The following KIF15 variants were observed in gnomAD, a reference collection of about 807,000 sequenced individuals.
KIF15 encodes kinesin-like protein KIF15.
Under a neutral mutation model 190.6 loss-of-function variants are expected in KIF15, and 140 were observed. The ratio of observed to expected loss-of-function variants is 0.73; its 90% CI spans 0.64 to 0.84. The LOEUF (loss-of-function observed/expected upper bound fraction) is 0.84, where lower values mean the gene tolerates loss of function less well. KIF15 is among the 40% of genes least tolerant of loss of function. The probability of loss-of-function intolerance (pLI) is 0.00; values close to 1 mark genes in which losing one functional copy is unlikely to be tolerated. For missense variants in KIF15, 1,372 were observed against 1,584.4 expected, an observed-to-expected ratio of 0.87 and a Z score of 2.28; for synonymous variants, 528 against 551.3, an observed-to-expected ratio of 0.96 and a Z score of 0.59.
At chr3:44,784,461 G>A (rs1344978269) in intron 5 of KIF15, among the ~76,000 whole-genome samples, 1 of 152,100 alleles carries the variant, frequency 6.6e-6, no homozygotes, top group East Asian at 1.9e-4. Context: ...ACTGCGCCTG[G>A]CCTCTCAGTT....
intron 8 of KIF15, among the ~76,000 whole-genome samples, chr3:44,796,258 C>G (rs1412417311): frequency 6.6e-6 from 1 of 152,120 alleles, no homozygotes; most frequent in Non-Finnish European, 1.5e-5. Flanking sequence ...ACCTGGGAGG[C>G]TGAGGTGGGA....
At chr3:44,857,875 T>C (rs1699203989), downstream of KIF15, among the ~76,000 whole-genome samples, 1 of 152,152 alleles carries the variant, frequency 6.6e-6, no homozygotes, top group Admixed American at 6.5e-5. Context: ...CCAATATCCC[T>C]TGGAGAATAA....
intron 20 of KIF15, among the ~76,000 whole-genome samples, chr3:44,817,190 T>A (rs1329036708): frequency 6.6e-6 from 1 of 152,226 alleles, no homozygotes; most frequent in Non-Finnish European, 1.5e-5. Context: ...TTCTGTAGGT[T>A]GCCTGTTCAC....
At chr3:44,802,771 ATGTT>A in intron 13 of KIF15, 39 bp from the exon 14 acceptor site, 3 of 1,468,068 alleles carry the variant, frequency 2.0e-6, no homozygotes, top group Non-Finnish European at 2.7e-6. Flanking sequence ...CACTAAGGAA[ATGTT>A]TGTAAATATA....
chr3:44,774,556 C>T, intron 2 of KIF15, 119 bp downstream of exon 2: 1 of 848,212 alleles, frequency 1.2e-6, no homozygotes, highest in Non-Finnish European at 1.8e-6. Context: ...CCTCAACCAG[C>T]TGGAAATGTG....
Position 44,843,207 on chromosome 3 carries a change from A to G in KIF15, c.3668A>G (p.Asp1223Gly), listed in dbSNP as rs778327308. 24 of 1,613,240 alleles carry G rather than the reference A, an allele frequency of 1.5e-5. No homozygotes were observed. In the South Asian group the frequency reaches 2.3e-4, roughly 16 times the overall value. Residue 1223 changes from aspartate (D) to glycine (G), a missense_variant, in exon 30 of 35, where the codon GAT becomes GGT. Asp to Gly is a moderately conservative substitution (Grantham distance 94). Transcript: ENST00000326047. ...AACTGGCTCCTGCAAGGTCAGCTGG[A>G]TGATATTAAAAGACAAAAGGAAAAC... ...EKNWLLQGQLDDIKRQKENSD... is the reference protein window; with the variant it reads ...EKNWLLQGQLGDIKRQKENSD...
At chr3:44,836,982 A>G (rs1278697217) in intron 26 of KIF15, among the ~76,000 whole-genome samples, 1 of 152,208 alleles carries the variant, frequency 6.6e-6, no homozygotes, top group African/African-American at 2.4e-5. Flanking sequence ...TCCAGTTGCC[A>G]TGATCTGGTA....
At position 44,865,455 on chromosome 3, in the gene KIF15, G is replaced by C. The variant is rs1466318435; in HGVS notation, c.*60-7874G>C. ...CCTTCGCAGATGCTGGAGATCCTGG[G>C]GTTGGTCTGCTTTGTGTATGGTACT... is the stretch of plus-strand genomic sequence containing the variant. On this transcript the variant is annotated intron_variant and NMD_transcript_variant, in intron 6 of 6. Coordinates refer to the KIF15 transcript ENST00000422209. The C allele has an allele frequency of 8.9e-6, 4 of 449,090 alleles. No homozygotes were observed. The South Asian group carries it at 1.1e-4, about 12-fold the overall frequency. 27.8% of individuals were successfully genotyped at this position (449,090 alleles called of 1,614,324 possible). A position where few individuals can be genotyped will look rare whatever the true frequency, so the allele number is the denominator to read the frequency against.
intron 7 of KIF15, among the ~76,000 whole-genome samples, chr3:44,793,972 C>T (rs951223148): frequency 6.6e-6 from 1 of 150,664 alleles, no homozygotes; most frequent in African/African-American, 2.4e-5. Context: ...CCTTGAATTC[C>T]TGGGCTCAAG....
In KIF15 at chr3:44,784,991, ATAGG is replaced by A. The variant is rs538731178; in HGVS notation, c.459+53_459+56del. 428 of 947,806 alleles carry A rather than the reference ATAGG, an allele frequency of 4.5e-4. 1 individual carries two copies. In the South Asian group the frequency reaches 6.3e-3, roughly 14 times the overall value. The allele number at this position is 947,806 out of a possible 1,614,324, so 58.7% of individuals were successfully genotyped here. On this transcript the variant is annotated intron_variant, in intron 6 of 34. Transcript: ENST00000326047. The stretch of plus-strand genomic sequence containing the variant: ...GGTTCTATGAAATGTCTAATTTTGA[ATAGG>A]TAGCTACTGATAATTAGCTCATGAT...
Position 44,838,437 on chromosome 3 carries a change from G to A in KIF15, c.3318+16G>A. The A allele has an allele frequency of 6.2e-7, 1 of 1,607,300 alleles. No homozygotes were observed. Among genetic ancestry groups the A allele is most frequent in the South Asian group, 1.1e-5 (1 of 89,850 alleles). ...TCAGCACAAGGTGAGAAACACACAG[G>A]TGTCACTCAAGATGGGAGACAAGAG... On this transcript the variant is annotated intron_variant, in intron 27 of 34. Transcript: ENST00000326047.
chr3:44,800,265 A>G, intron 10 of KIF15, 49 bp from the exon 11 acceptor site: 1 of 1,570,772 alleles, frequency 6.4e-7, no homozygotes, highest in Admixed American at 1.7e-5. Flanking sequence ...ACAGGACTAT[A>G]CTACTCAAAA....
At chr3:44,805,757 G>A in intron 15 of KIF15, 88 bp from the exon 16 acceptor site, 1 of 1,196,220 alleles carries the variant, frequency 8.4e-7, no homozygotes, top group East Asian at 2.3e-5. Context: ...TAACTATAAA[G>A]TTATGTGAGA....
Position 44,817,151 on chromosome 3 carries a change from G to A in KIF15, c.2549+2075G>A, listed in dbSNP as rs1708066094. 4.6e-5 allele frequency among the ~76,000 whole-genome samples: 7 copies of A among 152,208 alleles called. No individual in the cohort carries two copies. In the South Asian group the frequency reaches 1.4e-3, roughly 32 times the overall value. ...GATTCTGGATATTAGCCCTTTGTCAGATGGGTAGATTGCAAAAATTTTCTC... is the reference window on the plus strand; with the variant it reads ...GATTCTGGATATTAGCCCTTTGTCAAATGGGTAGATTGCAAAAATTTTCTC... On this transcript the variant is annotated intron_variant, in intron 20 of 34. Transcript: ENST00000326047.
intron 5 of KIF15, 47 bp from the exon 6 acceptor site, chr3:44,784,798 T>C: frequency 9.8e-7 from 1 of 1,017,844 alleles, no homozygotes; most frequent in Non-Finnish European, 1.5e-6. Flanking sequence ...TTTGAAAGAC[T>C]CTTGGAATAG....
Position 44,781,040 on chromosome 3 carries a change from A to G in KIF15, c.361+118A>G, listed in dbSNP as rs570363807. On this transcript the variant is annotated intron_variant, in intron 5 of 34. Coordinates refer to ENST00000326047, the MANE Select transcript of KIF15 (RefSeq NM_020242.3). ...TGATGTTGATCTCTTGAAATTAGGG[A>G]AATTCCCTAGGCTTCTGCCAAGTTG... 5.9e-5 allele frequency: 44 copies of G among 747,240 alleles called. No homozygotes were observed. The African/African-American group carries it at 7.2e-4, about 12-fold the overall frequency. 46.3% of individuals were successfully genotyped at this position (747,240 alleles called of 1,614,324 possible).
intron 27 of KIF15, among the ~76,000 whole-genome samples, chr3:44,839,330 G>A (rs933527298): frequency 2.6e-5 from 4 of 151,248 alleles, no homozygotes; most frequent in South Asian, 2.1e-4. Context: ...CCGAGATCGC[G>A]CCACTGCACT....
At chr3:44,865,317 G>A in intron 6 of KIF15, 1 of 1,188,280 alleles carries the variant, frequency 8.4e-7, no homozygotes, top group Non-Finnish European at 1.2e-6. Flanking sequence ...GCCTCTGATG[G>A]AGCAGGCTCT....
chr3:44,857,590 AGAG>A (rs771063129), downstream of KIF15, among the ~76,000 whole-genome samples: 1 of 152,214 alleles, frequency 6.6e-6, no homozygotes, highest in Non-Finnish European at 1.5e-5. Context: ...AGGAACGGAA[AGAG>A]GAGTGGGGAA....
Sources: gnomAD v4.1 joint callset for allele counts (sites outside exome capture counted in the v4.1 genomes callset) on GRCh38, gnomAD v4.1.1 for gene constraint, MANE v1.5 for transcripts, NCBI Gene and HGNC (gene_info 2026-07-23, HGNC 2026-07-21) for gene names.